Variants in LRRC20 observed in about 807,000 individuals in gnomAD.
LRRC20 encodes the protein leucine rich repeat containing 20.
A neutral mutation model predicts 14.4 loss-of-function variants in LRRC20; 11 were observed. That is an observed-to-expected ratio of 0.77 (90% CI 0.48 to 1.27). LRRC20 has a LOEUF of 1.27. LRRC20 is among the 50% of genes most tolerant of loss of function. The pLI is 0.00. For missense variants in LRRC20, 219 were observed against 251.2 expected, an observed-to-expected ratio of 0.87 and a Z score of 0.87; for synonymous variants, 121 against 107.3, an observed-to-expected ratio of 1.13 and a Z score of -0.79.
At chr10:70,357,931 C>A (rs1843591964) in intron 2 of LRRC20, among the ~76,000 whole-genome samples, 2 of 152,340 alleles carry the variant, frequency 1.3e-5, no homozygotes, top group African/African-American at 2.4e-5. Context: ...CCAAGCCAGA[C>A]CTTGGAGAGG....
chr10:70,333,148 C>A lies in LRRC20; in HGVS notation c.232+7405G>T, dbSNP rs1281816481. Among the ~76,000 whole-genome samples, 6 of 152,290 alleles carry A rather than the reference C, an allele frequency of 3.9e-5. No individual in the cohort carries two copies. In the East Asian group the frequency reaches 1.2e-3, roughly 29 times the overall value. On this transcript the variant is annotated intron_variant, in intron 3 of 4. Coordinates refer to ENST00000446961, the MANE Select transcript of LRRC20 (RefSeq NM_001278212.2). ...GAGGGAAGTGAAGGGAAACTGCAGTCTTCTGCCTTACAGGGTTGCAAGAAG... is the reference window on the plus strand; with the variant it reads ...GAGGGAAGTGAAGGGAAACTGCAGTATTCTGCCTTACAGGGTTGCAAGAAG...
rs562547591 is a variant in LRRC20 at position 70,300,724 on chromosome 10, G to A, written c.*630C>T. 76 of 985,642 alleles carry A rather than the reference G, an allele frequency of 7.7e-5. No homozygotes were observed. The highest frequency in any genetic ancestry group is 6.1e-5 in the Admixed American group (1 of 16,294). The allele number at this position is 985,642 out of a possible 1,614,324, so 61.1% of individuals were successfully genotyped here. A position where few individuals can be genotyped will look rare whatever the true frequency, so the allele number is the denominator to read the frequency against. ...CCTGCTGGTCCTCGGGCTCCTACATGAATGTTCTTGCCCTGCAGCAGTGCC... is the reference window on the plus strand; with the variant it reads ...CCTGCTGGTCCTCGGGCTCCTACATAAATGTTCTTGCCCTGCAGCAGTGCC... On this transcript the variant is annotated 3_prime_UTR_variant, in exon 5 of 5. Coordinates refer to ENST00000446961, the MANE Select transcript of LRRC20 (RefSeq NM_001278212.2).
chr10:70,371,621 C>A lies in LRRC20; in HGVS notation c.82+4831G>T, dbSNP rs1003541699. Among the ~76,000 whole-genome samples the A allele has an allele frequency of 2.0e-5, 3 of 152,118 alleles. No individual in the cohort carries two copies. The East Asian group carries it at 5.8e-4, about 29-fold the overall frequency. The stretch of plus-strand genomic sequence containing the variant: ...AGGCCCCTCAGCGGTCCAGGACCCA[C>A]GGAAACCCAGATGGAAAAGGGGCAG... On this transcript the variant is annotated intron_variant, in intron 2 of 4. Transcript: ENST00000446961.
At chr10:70,367,006 T>C (rs189270605) in intron 2 of LRRC20, among the ~76,000 whole-genome samples, 1 of 152,146 alleles carries the variant, frequency 6.6e-6, no homozygotes, top group East Asian at 1.9e-4. Flanking sequence ...GCAATCCTAC[T>C]CCTATGTATT....
intron 1 of LRRC20, among the ~76,000 whole-genome samples, chr10:70,377,278 G>T (rs1360762148): frequency 2.0e-5 from 3 of 152,188 alleles, no homozygotes; most frequent in South Asian, 4.1e-4. Flanking sequence ...CAGGGGCCGG[G>T]GGGTGGAGAT....
At chr10:70,347,691 G>A (rs1282619141) in intron 2 of LRRC20, among the ~76,000 whole-genome samples, 4 of 151,638 alleles carry the variant, frequency 2.6e-5, no homozygotes, top group Admixed American at 6.6e-5. Flanking sequence ...GTGGTGGCGC[G>A]TCCTATAATC....
rs1564619780 is a variant in LRRC20 at position 70,323,993 on chromosome 10, G to A, written c.270C>T (p.Pro90=). The A allele has an allele frequency of 1.2e-6, 2 of 1,613,710 alleles. No individual in the cohort carries two copies. The highest frequency in any genetic ancestry group is 2.2e-5 in the East Asian group (1 of 44,880). The change falls in exon 4 of 5, where the codon CCC becomes CCT. Residue 90 remains proline (P), a synonymous_variant. Transcript: ENST00000446961. ...GGTGCTGCAGGGCACTGACCTCGCTGGGGAGGCGGTGTAGGAAGTTCCCCT... is the reference window on the plus strand; with the variant it reads ...GGTGCTGCAGGGCACTGACCTCGCTAGGGAGGCGGTGTAGGAAGTTCCCCT... ...HLEGNFLHRL[P]SEVSALQHLK...
intron 2 of LRRC20, among the ~76,000 whole-genome samples, chr10:70,362,116 C>A (rs1286395872): frequency 6.6e-6 from 1 of 152,188 alleles, no homozygotes; most frequent in Non-Finnish European, 1.5e-5. Context: ...ACCCAGGAGG[C>A]GGAGGTTGCA....
At chr10:70,362,027 A>C (rs1260501353) in intron 2 of LRRC20, among the ~76,000 whole-genome samples, 2 of 152,184 alleles carry the variant, frequency 1.3e-5, no homozygotes, top group Non-Finnish European at 2.9e-5. Flanking sequence ...TCTCTACTAA[A>C]AATACAAAAA....
At position 70,301,354 on chromosome 10, in the gene LRRC20, C is replaced by T; in HGVS notation, c.555G>A (p.Ter185=). ...GCTGGGTGGGCATGAGGAGGGTGGC[C>T]TAAGGTAGGGGGGCTCTTGCGCCTT... ...SPEGARAPLP[*] Residue 185 remains the stop codon, a stop_retained_variant, in exon 5 of 5, where the codon TAG becomes TAA. Transcript: ENST00000446961. 2 of 1,611,430 alleles carry T rather than the reference C, an allele frequency of 1.2e-6. No homozygotes were observed. The highest frequency in any genetic ancestry group is 1.7e-6 in the Non-Finnish European group (2 of 1,179,426).
At chr10:70,331,677 C>G (rs911391008) in intron 3 of LRRC20, among the ~76,000 whole-genome samples, 1 of 152,152 alleles carries the variant, frequency 6.6e-6, no homozygotes, top group Non-Finnish European at 1.5e-5. Context: ...CTGCACCAGG[C>G]CAGGGTTCAG....
intron 2 of LRRC20, among the ~76,000 whole-genome samples, chr10:70,354,850 C>T (rs1843463942): frequency 6.6e-6 from 1 of 152,188 alleles, no homozygotes; most frequent in East Asian, 1.9e-4. Context: ...ACGTGACCCT[C>T]GGTGTGGAGG....
chr10:70,304,267 T>G (rs1420341043), intron 4 of LRRC20, among the ~76,000 whole-genome samples: 1 of 151,922 alleles, frequency 6.6e-6, no homozygotes, highest in Non-Finnish European at 1.5e-5. Context: ...CCTCATCCCA[T>G]GCAGTCCGAC....
chr10:70,324,227 C>G lies in LRRC20; in HGVS notation c.233-197G>C, dbSNP rs534311795. On this transcript the variant is annotated intron_variant, in intron 3 of 4. Transcript: ENST00000446961. ...GAGGGGTCACCCTCCTACCGCTGCC[C>G]GGGGCCTGCCACCTGTCACTCCAGC... is the stretch of plus-strand genomic sequence containing the variant. Among the ~76,000 whole-genome samples the G allele has an allele frequency of 2.8e-4, 42 of 152,328 alleles. No homozygotes were observed. In the East Asian group the frequency reaches 7.9e-3, roughly 29 times the overall value.
At position 70,300,010 on chromosome 10, in the gene LRRC20, G is replaced by A. The variant is rs1298436401; in HGVS notation, c.*1344C>T. On this transcript the variant is annotated 3_prime_UTR_variant, in exon 5 of 5. Transcript: ENST00000446961. ...ACATCTTAGCCTTAGGAGTAGTAAA[G>A]TGGCCACTCGTCCACGGCACACAGG... 3.3e-5 allele frequency: 5 copies of A among 152,278 alleles called. No homozygotes were observed. The highest frequency in any genetic ancestry group is 5.9e-5 in the Non-Finnish European group (4 of 68,104). 9.4% of individuals were successfully genotyped at this position (152,278 alleles called of 1,614,324 possible).
intron 2 of LRRC20, among the ~76,000 whole-genome samples, chr10:70,372,318 C>T (rs531438182): frequency 8.9e-4 from 135 of 152,064 alleles, no homozygotes; most frequent in Non-Finnish European, 1.8e-3. Flanking sequence ...TGGTTATTTC[C>T]TTCCATTTTC....
intron 2 of LRRC20, among the ~76,000 whole-genome samples, chr10:70,367,134 C>T (rs1589123151): frequency 2.0e-5 from 3 of 151,744 alleles, no homozygotes; most frequent in South Asian, 4.2e-4. Flanking sequence ...AGACCAGCCT[C>T]GCCAACACAG....
At position 70,373,518 on chromosome 10, in the gene LRRC20, C is replaced by T. The variant is rs145596488; in HGVS notation, c.82+2934G>A. 1.2e-4 allele frequency among the ~76,000 whole-genome samples: 19 copies of T among 152,324 alleles called. No individual in the cohort carries two copies. The East Asian group carries it at 3.7e-3, about 29-fold the overall frequency. ...CCCCCTTAGAGTGTATAAGCCTGGT[C>T]AGCTCCATTTCCTAAGGGTCAGGAT... is the stretch of plus-strand genomic sequence containing the variant. On this transcript the variant is annotated intron_variant, in intron 2 of 4. Coordinates refer to ENST00000446961, the MANE Select transcript of LRRC20 (RefSeq NM_001278212.2).
chr10:70,319,058 C>T (rs1210778124), intron 4 of LRRC20, among the ~76,000 whole-genome samples: 2 of 151,854 alleles, frequency 1.3e-5, no homozygotes, highest in Non-Finnish European at 2.9e-5. Flanking sequence ...TCTCCCACCT[C>T]GGCCTGCCAA....
Sources: gnomAD v4.1 joint callset for allele counts (sites outside exome capture counted in the v4.1 genomes callset) on GRCh38, gnomAD v4.1.1 for gene constraint, MANE v1.5 for transcripts, NCBI Gene and HGNC (gene_info 2026-07-23, HGNC 2026-07-21) for gene names.